Variants in MGAT4C observed in about 807,000 individuals in gnomAD.
MGAT4C encodes alpha-1,3-mannosyl-glycoprotein 4-beta-N-acetylglucosaminyltransferase C.
In MGAT4C, 19 loss-of-function variants were observed where a neutral mutation model predicts 40.1. The ratio of observed to expected loss-of-function variants is 0.47; its 90% CI spans 0.33 to 0.70. The LOEUF is 0.70. Among genes scored for constraint, MGAT4C ranks in the 30% least tolerant of loss-of-function variants. The pLI is 0.02. For missense variants in MGAT4C, 491 were observed against 563.2 expected (o/e 0.87, Z 1.30); for synonymous variants, 181 against 187.1 (o/e 0.97, Z 0.27).
chr12:86,376,001 C>T (rs1955815023), intron 3 of MGAT4C, among the ~76,000 whole-genome samples: 1 of 151,748 alleles, frequency 6.6e-6, no homozygotes, highest in African/African-American at 2.4e-5. Flanking sequence ...ATAGATTGAA[C>T]GTTAAGGTAA....
chr12:86,405,544 T>G (rs992337013), intron 3 of MGAT4C, among the ~76,000 whole-genome samples: 1 of 152,010 alleles, frequency 6.6e-6, no homozygotes, highest in Non-Finnish European at 1.5e-5. Context: ...GTAGTAAAGA[T>G]TTCAACTCTC....
intron 2 of MGAT4C, among the ~76,000 whole-genome samples, chr12:86,634,971 C>T (rs1202412947): frequency 6.6e-6 from 1 of 152,118 alleles, no homozygotes; most frequent in Non-Finnish European, 1.5e-5. Context: ...CCAGGTAAAA[C>T]ATTTATAATC....
At position 85,970,634 on chromosome 12, in the gene MGAT4C, A is replaced by G. The variant is rs1223023858; in HGVS notation, c.*8655T>C. ...CATACTGTAAGAAATTTAGTAAAGT[A>G]CTAATTGAATTTAGTGATTAGACTG... On this transcript the variant is annotated 3_prime_UTR_variant, in exon 5 of 5. Coordinates refer to ENST00000611864, the MANE Select transcript of MGAT4C (RefSeq NM_001351288.2). 1 of 151,374 alleles carries G rather than the reference A, an allele frequency of 6.6e-6. No homozygotes were observed. The highest frequency in any genetic ancestry group is 1.9e-4 in the East Asian group (1 of 5,200). The allele number at this position is 151,374 out of a possible 1,614,324, so 9.4% of individuals were successfully genotyped here.
chr12:86,504,568 A>T (rs1407563964), intron 2 of MGAT4C, among the ~76,000 whole-genome samples: 1 of 152,232 alleles, frequency 6.6e-6, no homozygotes, highest in Non-Finnish European at 1.5e-5. Context: ...CTCCAAGCCA[A>T]TATAAAAGTC....
At chr12:86,366,027 A>G (rs1424366113) in intron 3 of MGAT4C, among the ~76,000 whole-genome samples, 1 of 152,130 alleles carries the variant, frequency 6.6e-6, no homozygotes, top group Non-Finnish European at 1.5e-5. Flanking sequence ...TGAGCATGAA[A>G]TGTTTTTCCA....
chr12:86,208,919 C>G (rs890218311), intron 1 of MGAT4C, among the ~76,000 whole-genome samples: 2 of 152,078 alleles, frequency 1.3e-5, no homozygotes, highest in Non-Finnish European at 2.9e-5. Flanking sequence ...CCTATACATT[C>G]GCTACTTACT....
intron 1 of MGAT4C, among the ~76,000 whole-genome samples, chr12:86,826,422 C>A (rs1309039665): frequency 6.6e-6 from 1 of 151,254 alleles, no homozygotes; most frequent in Non-Finnish European, 1.5e-5. Flanking sequence ...TAGGTGTTGA[C>A]CCCATTTTAC....
At chr12:86,405,182 G>A (rs1185380382) in intron 3 of MGAT4C, among the ~76,000 whole-genome samples, 3 of 151,892 alleles carry the variant, frequency 2.0e-5, no homozygotes, top group East Asian at 3.9e-4. Context: ...AGTACAATAA[G>A]GCAAGAAATT....
rs113034656 is a variant in MGAT4C, at chr12:86,166,442, C to A, written c.-57+89797G>T. 2.6e-5 allele frequency among the ~76,000 whole-genome samples: 4 copies of A among 152,268 alleles called. No individual in the cohort carries two copies. The South Asian group carries it at 6.2e-4, about 24-fold the overall frequency. ...ATCTCAGCAGCTTGGGAGGCCAAGG[C>A]GGGCAGATTGCTTGATGCCAGGAAT... On this transcript the variant is annotated intron_variant, in intron 1 of 4. Coordinates refer to ENST00000611864, the MANE Select transcript of MGAT4C (RefSeq NM_001351288.2).
At chr12:86,220,216 C>T (rs1163612866) in intron 1 of MGAT4C, among the ~76,000 whole-genome samples, 1 of 151,988 alleles carries the variant, frequency 6.6e-6, no homozygotes, top group African/African-American at 2.4e-5. Context: ...AGATGACATC[C>T]TAGATGTGGG....
At chr12:86,075,360 G>T (rs187714858) in intron 1 of MGAT4C, among the ~76,000 whole-genome samples, 1 of 152,278 alleles carries the variant, frequency 6.6e-6, no homozygotes, top group East Asian at 1.9e-4. Flanking sequence ...CCATGGTCTT[G>T]GTCAGCTCTG....
chr12:86,526,965 C>T (rs902401716), intron 2 of MGAT4C, among the ~76,000 whole-genome samples: 7 of 152,162 alleles, frequency 4.6e-5, no homozygotes, highest in Admixed American at 1.3e-4. Context: ...GGGCCAGGAA[C>T]GAGTCCCAGT....
intron 2 of MGAT4C, among the ~76,000 whole-genome samples, chr12:86,450,596 T>C (rs960484402): frequency 6.6e-6 from 1 of 152,096 alleles, no homozygotes; most frequent in African/African-American, 2.4e-5. Context: ...AAGTAACGAC[T>C]ATATCTTGTT....
At chr12:86,206,104 T>C (rs1283050884) in intron 1 of MGAT4C, among the ~76,000 whole-genome samples, 1 of 152,126 alleles carries the variant, frequency 6.6e-6, no homozygotes, top group Non-Finnish European at 1.5e-5. Context: ...GAAACTCATG[T>C]TGAAACTTAA....
At chr12:86,519,784 T>G (rs914889412) in intron 2 of MGAT4C, among the ~76,000 whole-genome samples, 13 of 152,174 alleles carry the variant, frequency 8.5e-5, no homozygotes, top group Admixed American at 6.6e-4. Context: ...ATTTGAGCCC[T>G]TTATATATTC....
At chr12:86,779,183 C>T (rs1329434497) in intron 1 of MGAT4C, among the ~76,000 whole-genome samples, 2 of 151,900 alleles carry the variant, frequency 1.3e-5, no homozygotes, top group Non-Finnish European at 2.9e-5. Context: ...ATTCTAATTA[C>T]CCCATATAAA....
chr12:85,983,624 T>C lies in MGAT4C; in HGVS notation c.194A>G (p.Asn65Ser). 6.3e-7 allele frequency: 1 copy of C among 1,598,668 alleles called. No individual in the cohort carries two copies. Among genetic ancestry groups the C allele is most frequent in the African/African-American group, 1.3e-5 (1 of 74,186 alleles). The change falls in exon 4 of 5, where the codon AAT (asparagine) becomes AGT (serine). Residue 65 changes from asparagine to serine, a missense_variant. Coordinates refer to ENST00000611864, the MANE Select transcript of MGAT4C (RefSeq NM_001351288.2). ...LIRETSTHQL[N>S]SERYVHTFKD... ...GAAAGTATGAACATAGCGTTCTGAA[T>C]TCAGTTGATGTGTGGATGTTTCCCT...
intron 1 of MGAT4C, among the ~76,000 whole-genome samples, chr12:86,140,028 C>T (rs1882607094): frequency 6.6e-6 from 1 of 151,994 alleles, no homozygotes; most frequent in Non-Finnish European, 1.5e-5. Context: ...TTTGCCCTGA[C>T]CTCTCCCTCA....
chr12:86,112,314 C>T (rs934430934), intron 1 of MGAT4C, among the ~76,000 whole-genome samples: 22 of 151,522 alleles, frequency 1.5e-4, no homozygotes, highest in Non-Finnish European at 2.1e-4. Flanking sequence ...GTTTACTTCC[C>T]CCCCACCCTT....
Sources: allele counts gnomAD v4.1 joint callset (sites outside exome capture counted in the v4.1 genomes callset), GRCh38; gene constraint gnomAD v4.1.1; transcripts MANE v1.5; gene names NCBI Gene and HGNC (gene_info 2026-07-23, HGNC 2026-07-21).